Variants in STIL observed in about 807,000 individuals in gnomAD.
The protein encoded by STIL is STIL centriolar assembly protein, also known as SCL-interrupting locus protein.
Under a neutral mutation model 110.1 loss-of-function variants are expected in STIL, and 55 were observed. The observed-to-expected ratio is 0.50, with a 90% CI of 0.40 to 0.63. STIL has a LOEUF of 0.63. STIL is among the 20% of genes least tolerant of loss of function. The probability of loss-of-function intolerance (pLI) is 0.00; values close to 1 mark genes in which losing one functional copy is unlikely to be tolerated. For synonymous variants in STIL, 481 were observed against 530.0 expected (o/e 0.91, Z 1.27); for missense variants, 1,358 against 1,530.0 (o/e 0.89, Z 1.87).
intron 16 of STIL, among the ~76,000 whole-genome samples, chr1:47,256,658 A>G (rs1211906067): frequency 6.7e-6 from 1 of 150,216 alleles, no homozygotes; most frequent in Admixed American, 6.7e-5. Context: ...AAAATGTGTC[A>G]TAAGTACATG....
chr1:47,312,267 G>C (rs946404713), intron 1 of STIL, among the ~76,000 whole-genome samples: 1 of 152,028 alleles, frequency 6.6e-6, no homozygotes, highest in Non-Finnish European at 1.5e-5. Context: ...GAGGTGGGTG[G>C]ATCACGAGGT....
At chr1:47,260,192 T>A in intron 16 of STIL, 97 bp downstream of exon 16, 2 of 1,269,142 alleles carry the variant, frequency 1.6e-6, no homozygotes, top group Non-Finnish European at 2.2e-6. Context: ...ACAATACATC[T>A]AAAATTTATT....
In STIL at chr1:47,251,316, C is replaced by T. The variant is rs2148618582; in HGVS notation, c.3687G>A (p.Val1229=). ...ACTCTGCTTTCCCGGTTCGAAGGTT[C>T]ACTGCAGGACTTGGTTTAAGGTTCT... ...LVKNLKPSPA[V]NLRTGKAEFT... is the part of the protein sequence containing the mutation. Residue 1229 remains valine, a synonymous_variant, in exon 17 of 17, where the codon GTG becomes GTA. Transcript: ENST00000371877. The T allele has an allele frequency of 6.2e-7, 1 of 1,614,114 alleles. No homozygotes were observed. Among genetic ancestry groups the T allele is most frequent in the East Asian group, 2.2e-5 (1 of 44,882 alleles).
At chr1:47,303,949 G>A (rs1233127954) in intron 3 of STIL, among the ~76,000 whole-genome samples, 1 of 152,056 alleles carries the variant, frequency 6.6e-6, no homozygotes, top group Admixed American at 6.6e-5. Flanking sequence ...TGCCATTTAT[G>A]AAATACTTTC....
intron 6 of STIL, 65 bp from the exon 7 acceptor site, chr1:47,295,913 C>T: frequency 8.4e-7 from 1 of 1,186,814 alleles, no homozygotes; most frequent in Non-Finnish European, 1.3e-6. Context: ...AAGACATAAT[C>T]TAAATGCTGA....
intron 2 of STIL, among the ~76,000 whole-genome samples, chr1:47,307,619 T>C: frequency 6.6e-6 from 1 of 152,170 alleles, no homozygotes; most frequent in Non-Finnish European, 1.5e-5. Flanking sequence ...ACTACACAAA[T>C]TGTACAGCAT....
At chr1:47,296,538 C>T (rs957080978) in intron 6 of STIL, among the ~76,000 whole-genome samples, 11 of 152,076 alleles carry the variant, frequency 7.2e-5, no homozygotes, top group South Asian at 2.1e-4. Context: ...TGGTGGCTCA[C>T]GCTTACTGTA....
At chr1:47,278,652 A>C (rs750813364) in intron 12 of STIL, among the ~76,000 whole-genome samples, 1 of 152,146 alleles carries the variant, frequency 6.6e-6, no homozygotes, top group Non-Finnish European at 1.5e-5. Flanking sequence ...CTAAGTGTTT[A>C]TAATGTTAAA....
At chr1:47,289,897 C>G (rs1645427201) in intron 8 of STIL, among the ~76,000 whole-genome samples, 1 of 145,424 alleles carries the variant, frequency 6.9e-6, no homozygotes, top group Non-Finnish European at 1.5e-5. Flanking sequence ...AAGATCGCGC[C>G]ACTGCACTCC....
chr1:47,256,235 G>A (rs1365769058), intron 16 of STIL, among the ~76,000 whole-genome samples: 2 of 152,102 alleles, frequency 1.3e-5, no homozygotes, highest in South Asian at 2.1e-4. Context: ...TGTAAGCGTC[G>A]GTGATGACCT....
chr1:47,310,975 G>A (rs1400950766), intron 1 of STIL, among the ~76,000 whole-genome samples: 1 of 152,006 alleles, frequency 6.6e-6, no homozygotes, highest in African/African-American at 2.4e-5. Context: ...AGCCTCCTGA[G>A]TAGCTGAGAC....
intron 1 of STIL, among the ~76,000 whole-genome samples, chr1:47,310,622 C>A (rs1646095465): frequency 6.6e-6 from 1 of 152,118 alleles, no homozygotes; most frequent in African/African-American, 2.4e-5. Flanking sequence ...TCGGATTCTG[C>A]CCCAAAACCT....
intron 12 of STIL, among the ~76,000 whole-genome samples, chr1:47,275,383 C>A (rs1044583179): frequency 1.3e-5 from 2 of 151,304 alleles, no homozygotes; most frequent in Admixed American, 6.6e-5. Context: ...CTGAGGCGGG[C>A]GGATCACAAG....
chr1:47,305,123 T>TTA lies in STIL; in HGVS notation c.45-129_45-128dup, dbSNP rs1217741724. ...ACTACTTTTGTAATTTTCAAAGAGT[T>TTA]TATATATATATATTTTTTTTGAGAC... On this transcript the variant is annotated intron_variant, in intron 2 of 16. Coordinates refer to ENST00000371877, the MANE Select transcript of STIL (RefSeq NM_001048166.1). 35 of 693,840 alleles carry TTA rather than the reference T, an allele frequency of 5.0e-5. 2 individuals are homozygous for TTA. The highest frequency in any genetic ancestry group is 1.6e-4 in the South Asian group (9 of 57,516). The allele number at this position is 693,840 out of a possible 1,614,324, so 43.0% of individuals were successfully genotyped here.
intron 16 of STIL, among the ~76,000 whole-genome samples, chr1:47,252,928 ATT>A (rs536394073): frequency 6.8e-6 from 1 of 147,444 alleles, no homozygotes; most frequent in Admixed American, 6.8e-5. Context: ...ATAGCTGCTA[ATT>A]TTTTTTTTTG....
At chr1:47,261,597 G>A (rs948485715) in intron 15 of STIL, among the ~76,000 whole-genome samples, 2 of 151,884 alleles carry the variant, frequency 1.3e-5, no homozygotes, top group African/African-American at 4.8e-5. Context: ...AAAATTAGCC[G>A]GGTGTGGTGG....
At chr1:47,304,859 C>T (rs1291230152) in intron 3 of STIL, 30 bp downstream of exon 3, 3 of 1,478,888 alleles carry the variant, frequency 2.0e-6, no homozygotes, top group Non-Finnish European at 2.8e-6. Context: ...TTTATACTGG[C>T]TTGATTTGAA....
At chr1:47,264,768 A>AAC (rs910666981) in intron 14 of STIL, among the ~76,000 whole-genome samples, 19 of 151,922 alleles carry the variant, frequency 1.3e-4, no homozygotes, top group African/African-American at 4.4e-4. Context: ...CATCATAGAC[A>AAC]ACACTGGAGA....
Position 47,301,548 on chromosome 1 carries a change from C to T in STIL, c.453+13G>A. 1 of 1,611,278 alleles carries T rather than the reference C, an allele frequency of 6.2e-7. No individual in the cohort carries two copies. Among genetic ancestry groups the T allele is most frequent in the South Asian group, 1.1e-5 (1 of 91,016 alleles). ...TGTGTTGAATTAACTATCAAGTTGT[C>T]AATGAATCGCACCTTTAAAGCTGAA... On this transcript the variant is annotated intron_variant, in intron 5 of 16. Transcript: ENST00000371877.
Sources: gnomAD v4.1 joint callset for allele counts (sites outside exome capture counted in the v4.1 genomes callset) on GRCh38, gnomAD v4.1.1 for gene constraint, MANE v1.5 for transcripts, NCBI Gene and HGNC (gene_info 2026-07-23, HGNC 2026-07-21) for gene names.